Variants in ZNF385B observed in about 807,000 individuals in gnomAD.
ZNF385B encodes zinc finger protein 385B, also known as zinc finger protein 533.
ZNF385B carries 23 observed loss-of-function variants against 39.2 expected under a neutral mutation model. The ratio of observed to expected loss-of-function variants is 0.59; its 90% confidence interval spans 0.42 to 0.83. The LOEUF is 0.83. Ranked by LOEUF, ZNF385B falls within the 40% of genes least tolerant of loss-of-function variation. ZNF385B has a pLI of 0.00. For synonymous variants in ZNF385B, 205 were observed against 222.6 expected, an observed-to-expected ratio of 0.92 and a Z score of 0.70; for missense variants, 552 against 598.9, an observed-to-expected ratio of 0.92 and a Z score of 0.82.
At chr2:179,778,506 T>C (rs1418365388) in intron 1 of ZNF385B, among the ~76,000 whole-genome samples, 1 of 152,198 alleles carries the variant, frequency 6.6e-6, no homozygotes, top group Non-Finnish European at 1.5e-5. Context: ...ATGGATGGAT[T>C]CCTACAAGAC....
chr2:179,791,819 C>T (rs962871881), intron 1 of ZNF385B, among the ~76,000 whole-genome samples: 1 of 152,172 alleles, frequency 6.6e-6, no homozygotes, highest in African/African-American at 2.4e-5. Context: ...TGCAATGGCA[C>T]GATTTTGGCT....
At chr2:179,495,089 T>G (rs1338546410) in intron 5 of ZNF385B, among the ~76,000 whole-genome samples, 1 of 152,066 alleles carries the variant, frequency 6.6e-6, no homozygotes, top group Admixed American at 6.6e-5. Flanking sequence ...ACTGGACTCT[T>G]GGATAGCATT....
intron 4 of ZNF385B, among the ~76,000 whole-genome samples, chr2:179,539,076 G>A (rs1321369497): frequency 6.6e-6 from 1 of 152,254 alleles, no homozygotes; most frequent in Non-Finnish European, 1.5e-5. Context: ...TGCTCAGGCT[G>A]TCATTACCAA....
chr2:179,786,520 T>C (rs1559193917), intron 1 of ZNF385B, among the ~76,000 whole-genome samples: 1 of 152,016 alleles, frequency 6.6e-6, no homozygotes, highest in East Asian at 1.9e-4. Flanking sequence ...TCCTGGGTTG[T>C]AGGGACCCTA....
chr2:179,493,420 T>C (rs1394629807), intron 5 of ZNF385B, among the ~76,000 whole-genome samples: 4 of 151,504 alleles, frequency 2.6e-5, no homozygotes, highest in South Asian at 2.1e-4. Flanking sequence ...CACAAATGCA[T>C]GTGTACATAT....
chr2:179,789,292 G>A, intron 1 of ZNF385B, among the ~76,000 whole-genome samples: 1 of 152,160 alleles, frequency 6.6e-6, no homozygotes, highest in Non-Finnish European at 1.5e-5. Context: ...AAGTTAAGAA[G>A]TTGTTAAAAT....
chr2:179,600,296 T>G (rs926937916), intron 3 of ZNF385B, among the ~76,000 whole-genome samples: 1 of 152,204 alleles, frequency 6.6e-6, no homozygotes, highest in African/African-American at 2.4e-5. Flanking sequence ...TGTTGAGAAC[T>G]AAAGACATCA....
chr2:179,772,843 C>T (rs955667541), intron 1 of ZNF385B, among the ~76,000 whole-genome samples: 1 of 152,198 alleles, frequency 6.6e-6, no homozygotes, highest in African/African-American at 2.4e-5. Context: ...GTGCTTTGGA[C>T]TGCCAGGAAT....
At chr2:179,710,528 C>T (rs963669833) in intron 3 of ZNF385B, among the ~76,000 whole-genome samples, 14 of 152,154 alleles carry the variant, frequency 9.2e-5, no homozygotes, top group East Asian at 3.9e-4. Flanking sequence ...CCTCCCATTA[C>T]GGAACATTTT....
At chr2:179,455,273 G>A (rs954386296) in intron 6 of ZNF385B, among the ~76,000 whole-genome samples, 2 of 146,444 alleles carry the variant, frequency 1.4e-5, no homozygotes, top group Non-Finnish European at 3.0e-5. Context: ...TAGTTCATAT[G>A]GTTTGGCTGT....
At chr2:179,498,207 A>T (rs931748211) in intron 5 of ZNF385B, among the ~76,000 whole-genome samples, 1 of 152,098 alleles carries the variant, frequency 6.6e-6, no homozygotes, top group Admixed American at 6.6e-5. Flanking sequence ...GACCAAATGG[A>T]CCTGTTAGAT....
At chr2:179,808,251 C>G (rs1202201323) in intron 1 of ZNF385B, among the ~76,000 whole-genome samples, 1 of 152,154 alleles carries the variant, frequency 6.6e-6, no homozygotes, top group Non-Finnish European at 1.5e-5. Flanking sequence ...CCAGGATGGT[C>G]TCGATCTCCT....
chr2:179,745,818 G>A (rs753497668), intron 3 of ZNF385B: 4 of 1,421,404 alleles, frequency 2.8e-6, no homozygotes, highest in South Asian at 1.6e-5. Context: ...ATAATGCACA[G>A]CGCTACCGAG....
chr2:179,730,220 C>A (rs1701303381), intron 3 of ZNF385B, among the ~76,000 whole-genome samples: 1 of 152,190 alleles, frequency 6.6e-6, no homozygotes, highest in South Asian at 2.1e-4. Flanking sequence ...CGGGTCCTGG[C>A]TTAATCATTA....
At chr2:179,610,025 G>T (rs868194490) in intron 3 of ZNF385B, among the ~76,000 whole-genome samples, 2 of 152,120 alleles carry the variant, frequency 1.3e-5, no homozygotes, top group Non-Finnish European at 2.9e-5. Flanking sequence ...TCCTCACCTT[G>T]TTGATTGTTT....
In ZNF385B at chr2:179,769,620, C is replaced by A. The variant is rs1703898376; in HGVS notation, c.181G>T (p.Ala61Ser). 6.2e-7 allele frequency: 1 copy of A among 1,614,016 alleles called. No individual in the cohort carries two copies. Among genetic ancestry groups the A allele is most frequent in the Non-Finnish European group, 8.5e-7 (1 of 1,180,040 alleles). Reference sequence around the variant, plus strand: ...TTGGAATGCACCTGAGCCTGGGCTGCAGAGTTCAGCTGGATGTTGCACACC... The same window carrying A: ...TTGGAATGCACCTGAGCCTGGGCTGAAGAGTTCAGCTGGATGTTGCACACC... ...CEVCNIQLNS[A>S]AQAQVHSNGK... Residue 61 changes from alanine (A) to serine (S), a missense_variant, in exon 3 of 10, where the codon GCA becomes TCA. Transcript: ENST00000410066.
chr2:179,712,270 T>C (rs1700054621), intron 3 of ZNF385B, among the ~76,000 whole-genome samples: 1 of 152,210 alleles, frequency 6.6e-6, no homozygotes, highest in South Asian at 2.1e-4. Flanking sequence ...GTAAACTTTC[T>C]ACATTTTCTT....
intron 3 of ZNF385B, among the ~76,000 whole-genome samples, chr2:179,588,640 C>CCACA (rs1687300889): frequency 1.3e-5 from 2 of 152,110 alleles, no homozygotes; most frequent in African/African-American, 4.8e-5. Flanking sequence ...TTATCATATG[C>CCACA]CACACCACAG....
chr2:179,738,251 A>G (rs1237038920), intron 3 of ZNF385B, among the ~76,000 whole-genome samples: 2 of 152,226 alleles, frequency 1.3e-5, no homozygotes, highest in Non-Finnish European at 2.9e-5. Flanking sequence ...TTGAAAAAAT[A>G]TAATTCGAAT....
Sources: gnomAD v4.1 joint callset for allele counts (sites outside exome capture counted in the v4.1 genomes callset) on GRCh38, gnomAD v4.1.1 for gene constraint, MANE v1.5 for transcripts, NCBI Gene and HGNC (gene_info 2026-07-23, HGNC 2026-07-21) for gene names.